Variants in ATF7IP2 observed in about 807,000 individuals in gnomAD.
ATF7IP2 encodes activating transcription factor 7 interacting protein 2, also known as activating transcription factor 7-interacting protein 2.
A neutral mutation model predicts 64.2 loss-of-function variants in ATF7IP2; 42 were observed. The observed-to-expected ratio is 0.65, with a 90% confidence interval of 0.51 to 0.85. The LOEUF (loss-of-function observed/expected upper bound fraction) is 0.85. Among genes scored for constraint, ATF7IP2 ranks in the 40% least tolerant of loss-of-function variants. ATF7IP2 has a pLI of 0.00. For missense variants in ATF7IP2, 933 were observed against 784.2 expected (o/e 1.19, Z -2.27); for synonymous variants, 308 against 272.8 (o/e 1.13, Z -1.27).
chr16:10,409,404 A>T (rs2047706685), intron 1 of ATF7IP2, among the ~76,000 whole-genome samples: 1 of 152,104 alleles, frequency 6.6e-6, no homozygotes, highest in African/African-American at 2.4e-5. Flanking sequence ...TTTGAAGAGG[A>T]ATTTATTATA....
At chr16:10,477,803 AG>A (rs955619653) in intron 12 of ATF7IP2, among the ~76,000 whole-genome samples, 2 of 152,196 alleles carry the variant, frequency 1.3e-5, no homozygotes, top group Admixed American at 1.3e-4. Flanking sequence ...ACTTCAGCAA[AG>A]TCTCAGGATA....
At chr16:10,410,180 A>G (rs1365121809) in intron 1 of ATF7IP2, among the ~76,000 whole-genome samples, 1 of 152,082 alleles carries the variant, frequency 6.6e-6, no homozygotes, top group Non-Finnish European at 1.5e-5. Flanking sequence ...TCATTTTCAC[A>G]GTATTGTCTC....
At chr16:10,419,854 C>A (rs1232300601) in intron 3 of ATF7IP2, among the ~76,000 whole-genome samples, 1 of 152,224 alleles carries the variant, frequency 6.6e-6, no homozygotes, top group African/African-American at 2.4e-5. Flanking sequence ...TTACCTGTTT[C>A]CCAATTTTTG....
intron 1 of ATF7IP2, among the ~76,000 whole-genome samples, chr16:10,401,506 G>A (rs184341049): frequency 1.3e-5 from 2 of 152,210 alleles, no homozygotes; most frequent in East Asian, 3.9e-4. Context: ...CAGTTTGCTA[G>A]TATGTTGTTT....
At position 10,423,360 on chromosome 16, in the gene ATF7IP2, G is replaced by T. The variant is rs544904232; in HGVS notation, c.-160+3737G>T. 1.9e-3 allele frequency among the ~76,000 whole-genome samples: 291 copies of T among 152,298 alleles called. 1 individual carries two copies. The highest frequency in any genetic ancestry group is 6.3e-3 in the African/African-American group (260 of 41,562). ...AGTCCTGTTACAAAAGGAGAACCTG[G>T]TCTATAATGATTTATAGCTTGTTTA... On this transcript the variant is annotated intron_variant, in intron 3 of 13. Coordinates refer to ENST00000562102, the MANE Select transcript of ATF7IP2 (RefSeq NM_001393719.1).
In ATF7IP2 at chr16:10,480,980, G is replaced by C; in HGVS notation, c.1635+16G>C. On this transcript the variant is annotated intron_variant, in intron 13 of 13. Transcript: ENST00000562102. ...TGCAGTCCAGGTACTGAATCAAAGT[G>C]CTCTGTAAGGGATATTTATTCCAAA... The C allele has an allele frequency of 1.9e-6, 3 of 1,539,762 alleles. No homozygotes were observed. Among genetic ancestry groups the C allele is most frequent in the Non-Finnish European group, 2.7e-6 (3 of 1,112,928 alleles).
chr16:10,408,526 G>A (rs2047688050), intron 1 of ATF7IP2, among the ~76,000 whole-genome samples: 1 of 152,080 alleles, frequency 6.6e-6, no homozygotes, highest in African/African-American at 2.4e-5. Context: ...TTTTGATTAT[G>A]GCCATTGCAG....
chr16:10,453,321 G>C (rs1249118234), intron 8 of ATF7IP2, among the ~76,000 whole-genome samples: 1 of 152,144 alleles, frequency 6.6e-6, no homozygotes, highest in Non-Finnish European at 1.5e-5. Context: ...GTCCATCATG[G>C]CTTCCCTTGG....
chr16:10,468,809 TC>T (rs1267328910), intron 9 of ATF7IP2, among the ~76,000 whole-genome samples: 1 of 152,186 alleles, frequency 6.6e-6, no homozygotes, highest in Non-Finnish European at 1.5e-5. Flanking sequence ...CATCTTGTTT[TC>T]CCCCTGGCTA....
At chr16:10,436,998 T>A (rs1449441178) in intron 6 of ATF7IP2, among the ~76,000 whole-genome samples, 1 of 151,878 alleles carries the variant, frequency 6.6e-6, no homozygotes, top group African/African-American at 2.4e-5. Flanking sequence ...GGTAACTACA[T>A]AATTGTCCTT....
At position 10,473,821 on chromosome 16, in the gene ATF7IP2, GATTTAAAATTACC is replaced by G. The variant is rs758823576; in HGVS notation, c.1483-87_1483-75del. On this transcript the variant is annotated intron_variant, in intron 11 of 13. Transcript: ENST00000562102. ...GTTCCATCTCTAGTTTCCGAATGGT[GATTTAAAATTACC>G]ATTTAAAATTACCAAATGGTTTTAA... 1.1e-3 allele frequency: 788 copies of G among 746,778 alleles called. 1 individual carries two copies. The highest frequency in any genetic ancestry group is 1.4e-3 in the Non-Finnish European group (668 of 469,632). The allele number at this position is 746,778 out of a possible 1,614,324, so 46.3% of individuals were successfully genotyped here. A position where few individuals can be genotyped will look rare whatever the true frequency, so the allele number is the denominator to read the frequency against.
intron 1 of ATF7IP2, among the ~76,000 whole-genome samples, chr16:10,391,661 G>T (rs1018156440): frequency 9.9e-5 from 15 of 152,136 alleles, no homozygotes; most frequent in Non-Finnish European, 2.9e-5. Context: ...ACTTTAGGAG[G>T]CCAGGTCAGG....
intron 9 of ATF7IP2, among the ~76,000 whole-genome samples, chr16:10,464,994 C>T (rs1567169105): frequency 2.0e-5 from 3 of 152,154 alleles, no homozygotes; most frequent in Non-Finnish European, 4.4e-5. Flanking sequence ...CCACGCCCAG[C>T]TAATTTTGTG....
rs2047206904 is a variant in ATF7IP2 at position 10,386,504 on chromosome 16, TCTC to T, written c.-242+384_-242+386del. On this transcript the variant is annotated intron_variant, in intron 1 of 13. Transcript: ENST00000562102. ...ATGCTTTCAGAAATTAACGGATAAA[TCTC>T]CACCTCCACCAATTTTAGTGTCCCA... The T allele has an allele frequency of 2.0e-5, 3 of 152,328 alleles. No individual in the cohort carries two copies. The South Asian group carries it at 6.2e-4, about 32-fold the overall frequency. The allele number at this position is 152,328 out of a possible 1,614,324, so 9.4% of individuals were successfully genotyped here. A position where few individuals can be genotyped will look rare whatever the true frequency, so the allele number is the denominator to read the frequency against.
At chr16:10,401,577 C>A (rs1434979701) in intron 1 of ATF7IP2, among the ~76,000 whole-genome samples, 1 of 151,850 alleles carries the variant, frequency 6.6e-6, no homozygotes, top group African/African-American at 2.4e-5. Flanking sequence ...TTTGCTGTGT[C>A]CTTGCTTGGT....
chr16:10,405,564 G>C (rs2047621226), intron 1 of ATF7IP2, among the ~76,000 whole-genome samples: 1 of 152,118 alleles, frequency 6.6e-6, no homozygotes, highest in African/African-American at 2.4e-5. Context: ...CCTGACTACA[G>C]AAACATTCTT....
chr16:10,392,086 C>G (rs1415855272), intron 1 of ATF7IP2, among the ~76,000 whole-genome samples: 2 of 129,004 alleles, frequency 1.6e-5, no homozygotes, highest in African/African-American at 3.0e-5. Context: ...CGGATTTTCA[C>G]TCTTTTCCCC....
Position 10,441,674 on chromosome 16 carries a change from T to C in ATF7IP2, c.1194+1212T>C, listed in dbSNP as rs2048627837. 2.0e-5 allele frequency among the ~76,000 whole-genome samples: 3 copies of C among 152,274 alleles called. No homozygotes were observed. In the South Asian group the frequency reaches 6.2e-4, roughly 32 times the overall value. On this transcript the variant is annotated intron_variant, in intron 8 of 13. Transcript: ENST00000562102. ...TTGTCAAATGGATAGATTGCAAAAA[T>C]TTTCTCCCATTCTGTAGGTTGCCTG...
intron 8 of ATF7IP2, among the ~76,000 whole-genome samples, chr16:10,452,292 G>A (rs377054223): frequency 2.6e-5 from 4 of 152,120 alleles, no homozygotes; most frequent in Admixed American, 6.5e-5. Flanking sequence ...GGTGACCTTC[G>A]GATGGGGTCT....
Sources: gnomAD v4.1 joint callset for allele counts (sites outside exome capture counted in the v4.1 genomes callset) on GRCh38, gnomAD v4.1.1 for gene constraint, MANE v1.5 for transcripts, NCBI Gene and HGNC (gene_info 2026-07-23, HGNC 2026-07-21) for gene names.